The following AFG1L variants were observed in gnomAD, a reference collection of about 807,000 sequenced individuals.
AFG1L encodes AFG1-like ATPase.
AFG1L carries 53 observed loss-of-function variants against 62.2 expected under a neutral mutation model. The ratio of observed to expected loss-of-function variants is 0.85; its 90% CI spans 0.68 to 1.07. The LOEUF (loss-of-function observed/expected upper bound fraction) is 1.07. Among genes scored for constraint, AFG1L ranks in the 50% least tolerant of loss-of-function variants. The pLI is 0.00. For synonymous variants in AFG1L, 228 were observed against 210.3 expected (o/e 1.08, Z -0.73); for missense variants, 555 against 590.5 (o/e 0.94, Z 0.62).
intron 8 of AFG1L, among the ~76,000 whole-genome samples, chr6:108,449,969 C>T (rs374092233): frequency 5.9e-5 from 9 of 152,130 alleles, no homozygotes; most frequent in African/African-American, 1.7e-4. Context: ...CCATGGTGTA[C>T]ATGTGCCACA....
At chr6:108,372,410 ACCT>A (rs1322736245) in intron 6 of AFG1L, among the ~76,000 whole-genome samples, 1 of 150,094 alleles carries the variant, frequency 6.7e-6, no homozygotes, top group East Asian at 2.0e-4. Flanking sequence ...GCTCACTGCA[ACCT>A]CCGCCTCCTG....
chr6:108,369,420 C>T (rs1779895011), intron 6 of AFG1L, among the ~76,000 whole-genome samples: 1 of 152,162 alleles, frequency 6.6e-6, no homozygotes, highest in Non-Finnish European at 1.5e-5. Context: ...ACTCTTTTTA[C>T]ACATTGTTTT....
At chr6:108,417,282 ACACAC>A (rs1312692254) in intron 7 of AFG1L, among the ~76,000 whole-genome samples, 1 of 128,524 alleles carries the variant, frequency 7.8e-6, no homozygotes, top group Non-Finnish European at 1.6e-5. Context: ...ACACACACAC[ACACAC>A]AAAAAAAAAA....
chr6:108,448,624 TG>T (rs1326711299), intron 8 of AFG1L, among the ~76,000 whole-genome samples: 2 of 152,154 alleles, frequency 1.3e-5, no homozygotes, highest in African/African-American at 4.8e-5. Flanking sequence ...TGGAAGTTAC[TG>T]GAGGTGAAAA....
chr6:108,389,064 T>C (rs1780919423), intron 6 of AFG1L, among the ~76,000 whole-genome samples: 1 of 152,348 alleles, frequency 6.6e-6, no homozygotes, highest in African/African-American at 2.4e-5. Flanking sequence ...GGTGCTCCTG[T>C]ATTGGGTGCA....
chr6:108,508,140 A>G (rs1355217902), intron 10 of AFG1L, among the ~76,000 whole-genome samples: 1 of 152,224 alleles, frequency 6.6e-6, no homozygotes, highest in Non-Finnish European at 1.5e-5. Flanking sequence ...AAACTAAGGA[A>G]CAGGAAGATG....
intron 6 of AFG1L, among the ~76,000 whole-genome samples, chr6:108,394,215 T>A (rs925927294): frequency 2.0e-5 from 3 of 146,668 alleles, no homozygotes; most frequent in Non-Finnish European, 4.5e-5. Flanking sequence ...TGGCGCAGTC[T>A]TGGCTCACTG....
At chr6:108,361,017 C>T (rs1181699537) in intron 5 of AFG1L, among the ~76,000 whole-genome samples, 1 of 152,232 alleles carries the variant, frequency 6.6e-6, no homozygotes, top group Non-Finnish European at 1.5e-5. Context: ...GGCAACCCTG[C>T]CCTAACAGGA....
At chr6:108,424,748 G>T (rs1037601505) in intron 7 of AFG1L, among the ~76,000 whole-genome samples, 7 of 152,022 alleles carry the variant, frequency 4.6e-5, no homozygotes, top group African/African-American at 1.7e-4. Context: ...TTTTAAATAC[G>T]TTTTCTCCCT....
At chr6:108,302,301 G>A (rs545977600) in intron 1 of AFG1L, among the ~76,000 whole-genome samples, 119 of 151,998 alleles carry the variant, frequency 7.8e-4, no homozygotes, top group South Asian at 2.3e-3. Context: ...TTTTCTCTCC[G>A]GTCTCCCATT....
At chr6:108,298,782 CT>C (rs1160657992) in intron 1 of AFG1L, among the ~76,000 whole-genome samples, 2 of 152,254 alleles carry the variant, frequency 1.3e-5, no homozygotes, top group East Asian at 3.9e-4. Flanking sequence ...CATGATTTCT[CT>C]TGTGGCCACC....
rs146428109 is a variant in AFG1L, at chr6:108,406,225, C to T, written c.807+4171C>T. On this transcript the variant is annotated intron_variant, in intron 7 of 12. Transcript: ENST00000368977. ...ACTGCCATACTGTTTTCCATAGCGG[C>T]TGTACCATATTACGTTCCCATCAGC... Among the ~76,000 whole-genome samples, 608 of 152,094 alleles carry T rather than the reference C, an allele frequency of 4.0e-3. 1 individual carries two copies. The highest frequency in any genetic ancestry group is 6.6e-3 in the Non-Finnish European group (449 of 68,014).
At chr6:108,473,466 A>G (rs1321690791) in intron 8 of AFG1L, among the ~76,000 whole-genome samples, 3 of 152,234 alleles carry the variant, frequency 2.0e-5, no homozygotes, top group African/African-American at 7.2e-5. Flanking sequence ...TCCTAAGGAA[A>G]GATTAACTTT....
chr6:108,418,502 G>A (rs1015005598), intron 7 of AFG1L, among the ~76,000 whole-genome samples: 15 of 152,110 alleles, frequency 9.9e-5, no homozygotes, highest in African/African-American at 3.6e-4. Context: ...TTTTTTCTAT[G>A]AAGTATGACT....
chr6:108,422,130 T>G (rs548671654), intron 7 of AFG1L, among the ~76,000 whole-genome samples: 2 of 152,064 alleles, frequency 1.3e-5, no homozygotes, highest in Non-Finnish European at 2.9e-5. Flanking sequence ...ATTTAAGTTT[T>G]TAAGTGGAAA....
intron 7 of AFG1L, among the ~76,000 whole-genome samples, chr6:108,442,722 C>T (rs1200320618): frequency 7.2e-5 from 11 of 152,070 alleles, no homozygotes; most frequent in Non-Finnish European, 1.3e-4. Context: ...CTATACTAGC[C>T]ACAACCCAGT....
chr6:108,298,368 C>T (rs147174392), intron 1 of AFG1L, among the ~76,000 whole-genome samples: 3 of 149,792 alleles, frequency 2.0e-5, no homozygotes, highest in East Asian at 2.0e-4. Context: ...TGGGTTCAAG[C>T]GATTTTCCTG....
intron 7 of AFG1L, among the ~76,000 whole-genome samples, chr6:108,431,663 C>T (rs1228320923): frequency 4.1e-5 from 6 of 146,632 alleles, no homozygotes; most frequent in African/African-American, 7.6e-5. Flanking sequence ...TGCAATAGCA[C>T]GATCTCAGCT....
chr6:108,323,785 G>A (rs772326692), intron 1 of AFG1L, 40 bp from the exon 2 acceptor site: 6 of 1,441,946 alleles, frequency 4.2e-6, no homozygotes, highest in Non-Finnish European at 4.9e-6. Flanking sequence ...CTGTGAAAAT[G>A]TATTTAAGAA....
Sources: gnomAD v4.1 joint callset for allele counts (sites outside exome capture counted in the v4.1 genomes callset) on GRCh38, gnomAD v4.1.1 for gene constraint, MANE v1.5 for transcripts, NCBI Gene and HGNC (gene_info 2026-07-23, HGNC 2026-07-21) for gene names.